Variants in CYP2J2 observed in about 807,000 individuals in gnomAD.
CYP2J2 encodes the protein cytochrome P450 family 2 subfamily J member 2, also known as cytochrome P450 2J2.
In CYP2J2, 41 loss-of-function variants were observed where a neutral mutation model predicts 48.8. The observed-to-expected ratio is 0.84, with a 90% confidence interval of 0.66 to 1.09. The LOEUF is 1.09. Ranked by LOEUF, CYP2J2 falls within the 50% of genes least tolerant of loss-of-function variation. The probability of loss-of-function intolerance (pLI) is 0.00; values close to 1 mark genes in which losing one functional copy is unlikely to be tolerated. For missense variants in CYP2J2, 644 were observed against 617.3 expected, an observed-to-expected ratio of 1.04 and a Z score of -0.46; for synonymous variants, 221 against 227.1, an observed-to-expected ratio of 0.97 and a Z score of 0.24.
At chr1:59,957,243 A>G in the CYP2J2 span, among the ~76,000 whole-genome samples, 1,995 of 152,250 alleles carry the variant, frequency 0.013, 23 homozygotes, top group Middle Eastern at 0.017. Flanking sequence ...ACAGCTGAAC[A>G]GTAGGATCTG....
At chr1:59,936,655 GTTGA>G in the CYP2J2 span, among the ~76,000 whole-genome samples, 1 of 152,050 alleles carries the variant, frequency 6.6e-6, no homozygotes, top group Non-Finnish European at 1.5e-5. Flanking sequence ...CTTGCTCTAT[GTTGA>G]TTATTTACTT....
chr1:59,950,035 C>T, the CYP2J2 span, among the ~76,000 whole-genome samples: 1 of 152,114 alleles, frequency 6.6e-6, no homozygotes, highest in African/African-American at 2.4e-5. Flanking sequence ...ATTCAAAGAC[C>T]TGAACAGGTC....
chr1:59,958,391 C>G, the CYP2J2 span, among the ~76,000 whole-genome samples: 2 of 152,146 alleles, frequency 1.3e-5, no homozygotes, highest in African/African-American at 4.8e-5. Context: ...ATTTCTTGCT[C>G]TAACTGAAAC....
At chr1:59,899,789 C>T (rs1424769497) in intron 8 of CYP2J2, among the ~76,000 whole-genome samples, 2 of 152,150 alleles carry the variant, frequency 1.3e-5, no homozygotes, top group Non-Finnish European at 2.9e-5. Context: ...AACATATGCA[C>T]CATGGGAGCA....
chr1:59,912,133 CT>C, intron 3 of CYP2J2, 28 bp downstream of exon 3: 2 of 1,595,004 alleles, frequency 1.3e-6, no homozygotes. Flanking sequence ...GGGCCACAGT[CT>C]CTCACCTCTG....
chr1:59,968,589 C>G, the CYP2J2 span, among the ~76,000 whole-genome samples: 1 of 152,322 alleles, frequency 6.6e-6, no homozygotes, highest in African/African-American at 2.4e-5. Context: ...TGGGGCATCC[C>G]AGTTCCGTTA....
intron 7 of CYP2J2, among the ~76,000 whole-genome samples, chr1:59,903,278 G>A (rs560977730): frequency 6.3e-4 from 96 of 152,244 alleles, no homozygotes; most frequent in African/African-American, 2.2e-3. Flanking sequence ...ATCGATCCAC[G>A]GAGGCTGACC....
chr1:59,930,066 C>T (rs935737272), upstream of CYP2J2, among the ~76,000 whole-genome samples: 5 of 151,880 alleles, frequency 3.3e-5, no homozygotes, highest in African/African-American at 9.7e-5. Context: ...GATTAACGGC[C>T]GACTTGTAAT....
the CYP2J2 span, among the ~76,000 whole-genome samples, chr1:59,964,444 T>C: frequency 6.6e-6 from 1 of 152,256 alleles, no homozygotes; most frequent in South Asian, 2.1e-4. Context: ...TGAATGAAAA[T>C]CTCAAAAGGC....
At chr1:59,923,454 TTGAG>T (rs780924029) in intron 1 of CYP2J2, among the ~76,000 whole-genome samples, 2 of 152,200 alleles carry the variant, frequency 1.3e-5, no homozygotes, top group Non-Finnish European at 2.9e-5. Flanking sequence ...AGAACATCAA[TTGAG>T]TGAGTTGACA....
At chr1:59,952,789 CAAT>C in the CYP2J2 span, among the ~76,000 whole-genome samples, 1 of 152,168 alleles carries the variant, frequency 6.6e-6, no homozygotes, top group South Asian at 2.1e-4. Flanking sequence ...AGGACACACC[CAAT>C]GCATAGAAGC....
At chr1:59,909,739 T>G (rs1343060887) in intron 5 of CYP2J2, 45 bp downstream of exon 5, 1 of 1,468,436 alleles carries the variant, frequency 6.8e-7, no homozygotes, top group African/African-American at 1.4e-5. Context: ...TATACCTCTA[T>G]TTGTGCTCTA....
rs1015881851 is a variant in CYP2J2, at chr1:59,909,841, A to G, written c.804T>C (p.Asp268=). Residue 268 remains aspartate (D), a synonymous_variant, in exon 5 of 9, where the codon GAT becomes GAC. Transcript: ENST00000371204. The stretch of plus-strand genomic sequence containing the variant: ...AGTCTCTTGTTTCTGCAGGATTCCA[A>G]TCCTTTCTGTGTTTGTCAATCATAT... The part of the protein sequence containing the change: ...VSHMIDKHRK[D]WNPAETRDFI... 11 of 1,609,336 alleles carry G rather than the reference A, an allele frequency of 6.8e-6. No individual in the cohort carries two copies. Among genetic ancestry groups the G allele is most frequent in the Non-Finnish European group, 8.5e-6 (10 of 1,178,596 alleles).
chr1:59,924,116 A>G (rs1644542622), intron 1 of CYP2J2, among the ~76,000 whole-genome samples: 1 of 152,214 alleles, frequency 6.6e-6, no homozygotes, highest in Non-Finnish European at 1.5e-5. Flanking sequence ...AGATTTCTTA[A>G]CAGAAACCAC....
At chr1:59,922,644 A>G (rs1206322715) in intron 1 of CYP2J2, among the ~76,000 whole-genome samples, 1 of 152,146 alleles carries the variant, frequency 6.6e-6, no homozygotes, top group Non-Finnish European at 1.5e-5. Flanking sequence ...AATACAACAA[A>G]GGTGCAGATC....
In CYP2J2 at chr1:59,926,562, T is replaced by C. The variant is rs1292613198; in HGVS notation, c.185A>G (p.Glu62Gly). Reference protein sequence around the residue: ...FLGNFFLVDFEQSHLEVQLFV... With the variant: ...FLGNFFLVDFGQSHLEVQLFV... ...CAGCTGAACCTCCAGGTGCGACTGC[T>C]CGAAGTCCACAAGGAAGAAGTTGCC... is the stretch of plus-strand genomic sequence containing the variant. Residue 62 changes from glutamate (E) to glycine (G), a missense_variant, in exon 1 of 9, where the codon GAG becomes GGG. Transcript: ENST00000371204. 8.1e-6 allele frequency: 13 copies of C among 1,613,958 alleles called. No homozygotes were observed. The East Asian group carries it at 2.9e-4, about 36-fold the overall frequency.
chr1:59,947,417 A>G, the CYP2J2 span, among the ~76,000 whole-genome samples: 1 of 152,206 alleles, frequency 6.6e-6, no homozygotes, highest in African/African-American at 2.4e-5. Flanking sequence ...AATATAAAAC[A>G]GCACCCAAGA....
intron 1 of CYP2J2, among the ~76,000 whole-genome samples, chr1:59,918,468 A>G (rs1644485431): frequency 6.6e-6 from 1 of 152,202 alleles, no homozygotes; most frequent in Non-Finnish European, 1.5e-5. Context: ...AGAACTAGAT[A>G]AAAAACTTGT....
At chr1:59,930,032 T>C (rs1430411292), upstream of CYP2J2, among the ~76,000 whole-genome samples, 2 of 152,116 alleles carry the variant, frequency 1.3e-5, no homozygotes, top group African/African-American at 4.8e-5. Flanking sequence ...AAATAGTTCA[T>C]TCAGTAAGTT....
Sources: gnomAD v4.1 joint callset for allele counts (sites outside exome capture counted in the v4.1 genomes callset) on GRCh38, gnomAD v4.1.1 for gene constraint, MANE v1.5 for transcripts, NCBI Gene and HGNC (gene_info 2026-07-23, HGNC 2026-07-21) for gene names.